PARN: variants seen among roughly 807,000 people sequenced by gnomAD.
PARN encodes the protein poly(A)-specific ribonuclease.
Under a neutral mutation model 102.8 loss-of-function variants are expected in PARN, and 71 were observed. The ratio of observed to expected loss-of-function variants is 0.69; its 90% CI spans 0.57 to 0.84. The LOEUF (loss-of-function observed/expected upper bound fraction) is 0.84, where lower values mean the gene tolerates loss of function less well. PARN is among the 40% of genes least tolerant of loss of function. The probability of loss-of-function intolerance (pLI) is 0.00; values close to 1 mark genes in which losing one functional copy is unlikely to be tolerated. For synonymous variants in PARN, 261 were observed against 252.9 expected (o/e 1.03, Z -0.30); for missense variants, 782 against 760.9 (o/e 1.03, Z -0.33).
chr16:14,511,447 TAA>T (rs111701715), intron 21 of PARN, among the ~76,000 whole-genome samples: 2 of 145,974 alleles, frequency 1.4e-5, no homozygotes, highest in African/African-American at 5.0e-5. Flanking sequence ...GATGGCTCAT[TAA>T]AAAAAAAAAA....
intron 3 of PARN, among the ~76,000 whole-genome samples, 165 bp downstream of exon 3, chr16:14,628,007 C>G (rs1229504866): frequency 6.6e-6 from 1 of 151,378 alleles, no homozygotes; most frequent in Non-Finnish European, 1.5e-5. Context: ...GACCTTGTCT[C>G]TAAAACAAGA....
rs548939697 is a variant in PARN at position 14,574,582 on chromosome 16, G to A, written c.1262+6292C>T. On this transcript the variant is annotated intron_variant, in intron 18 of 23. Coordinates refer to ENST00000437198, the MANE Select transcript of PARN (RefSeq NM_002582.4). The stretch of plus-strand genomic sequence containing the variant: ...ACAAAAATTAGCTGGGCGTGGTGGC[G>A]CACACCTGTAATCCCAGCTACTCAG... Among the ~76,000 whole-genome samples the A allele has an allele frequency of 5.9e-5, 9 of 152,046 alleles. No homozygotes were observed. In the South Asian group the frequency reaches 8.3e-4, roughly 14 times the overall value.
chr16:14,562,081 G>C (rs992477512), intron 18 of PARN, among the ~76,000 whole-genome samples: 36 of 152,214 alleles, frequency 2.4e-4, no homozygotes, highest in Non-Finnish European at 8.8e-5. Flanking sequence ...AAACCTGGGA[G>C]GCAGAGGTTG....
rs151318332 is a variant in PARN at position 14,479,746 on chromosome 16, C to A, written c.1670+2892G>T. 2.6e-3 allele frequency among the ~76,000 whole-genome samples: 393 copies of A among 152,018 alleles called. 1 individual carries two copies. Among genetic ancestry groups the A allele is most frequent in the African/African-American group, 9.1e-3 (376 of 41,492 alleles). On this transcript the variant is annotated intron_variant, in intron 22 of 23. Transcript: ENST00000437198. ...TTGATTCTTGACAAAGGTAGTGAGT[C>A]AAACCAATGAAGGAAGAAAACTCTT...
At chr16:14,561,071 C>T (rs1238774486) in intron 18 of PARN, among the ~76,000 whole-genome samples, 1 of 150,592 alleles carries the variant, frequency 6.6e-6, no homozygotes, top group Non-Finnish European at 1.5e-5. Flanking sequence ...GCAGGAGAAT[C>T]GCTTGAACCC....
Position 14,552,084 on chromosome 16 carries a change from T to G in PARN, c.1417A>C (p.Ile473Leu), listed in dbSNP as rs758872789. 5 of 1,607,220 alleles carry G rather than the reference T, an allele frequency of 3.1e-6. No homozygotes were observed. Among genetic ancestry groups the G allele is most frequent in the Non-Finnish European group, 4.3e-6 (5 of 1,175,032 alleles). ...GCTGATGTGTCATCAATCCAGGATA[T>G]CTGAATGTTACCTGCAATCGCAAAT... ...QLFSAFGNIQISWIDDTSAFV... is the reference protein window; with the variant it reads ...QLFSAFGNIQLSWIDDTSAFV... The change falls in exon 21 of 24, where the codon ATA becomes CTA. Residue 473 changes from isoleucine (I) to leucine (L), a missense_variant. By Grantham distance (5) the Ile-to-Leu change is conservative. Transcript: ENST00000437198.
intron 21 of PARN, among the ~76,000 whole-genome samples, chr16:14,522,111 G>A (rs1048864523): frequency 1.3e-5 from 2 of 152,192 alleles, no homozygotes; most frequent in African/African-American, 4.8e-5. Context: ...GGTGGCCCCT[G>A]TTACTAAGCT....
chr16:14,556,874 C>T (rs1967722858), intron 18 of PARN, among the ~76,000 whole-genome samples: 1 of 151,900 alleles, frequency 6.6e-6, no homozygotes, highest in Non-Finnish European at 1.5e-5. Flanking sequence ...GTCTCAAAAG[C>T]CCACATCATT....
At chr16:14,491,488 G>A (rs1964054633) in intron 21 of PARN, among the ~76,000 whole-genome samples, 2 of 152,092 alleles carry the variant, frequency 1.3e-5, no homozygotes, top group African/African-American at 4.8e-5. Flanking sequence ...TTCAGGCCAG[G>A]CATAGTGGCT....
chr16:14,527,257 TC>T (rs1966058950), intron 21 of PARN, among the ~76,000 whole-genome samples: 1 of 152,220 alleles, frequency 6.6e-6, no homozygotes, highest in Non-Finnish European at 1.5e-5. Flanking sequence ...TAAATTGAGT[TC>T]CCTCTGCTTT....
intron 21 of PARN, among the ~76,000 whole-genome samples, chr16:14,508,032 G>C (rs934364632): frequency 1.3e-5 from 2 of 152,188 alleles, no homozygotes; most frequent in Admixed American, 6.5e-5. Flanking sequence ...AAATATGCCA[G>C]AATGTTATCA....
intron 23 of PARN, among the ~76,000 whole-genome samples, chr16:14,440,087 G>T (rs1960882149): frequency 6.6e-6 from 1 of 152,028 alleles, no homozygotes; most frequent in Non-Finnish European, 1.5e-5. Context: ...AACCAACCTA[G>T]AAGAATATAT....
At chr16:14,555,380 G>T (rs1967617476) in intron 19 of PARN, among the ~76,000 whole-genome samples, 1 of 152,150 alleles carries the variant, frequency 6.6e-6, no homozygotes, top group Admixed American at 6.6e-5. Context: ...TATAGAAAAT[G>T]ATGAAATCAG....
intron 9 of PARN, among the ~76,000 whole-genome samples, chr16:14,606,945 C>G (rs908825800): frequency 6.6e-6 from 1 of 151,998 alleles, no homozygotes; most frequent in Non-Finnish European, 1.5e-5. Flanking sequence ...CCACACCCAG[C>G]TAATTTTTTG....
intron 21 of PARN, among the ~76,000 whole-genome samples, chr16:14,503,835 A>G (rs929715394): frequency 6.6e-6 from 1 of 152,228 alleles, no homozygotes; most frequent in African/African-American, 2.4e-5. Context: ...TGCAGCTGGT[A>G]TAAGGAGAAC....
chr16:14,580,551 TG>T (rs1486652173), intron 18 of PARN, among the ~76,000 whole-genome samples: 1 of 152,070 alleles, frequency 6.6e-6, no homozygotes, highest in African/African-American at 2.4e-5. Context: ...CCTCCCAAAG[TG>T]CTGGGATTAC....
chr16:14,438,935 T>C (rs1435389744), intron 23 of PARN, among the ~76,000 whole-genome samples: 4 of 152,134 alleles, frequency 2.6e-5, no homozygotes, highest in Non-Finnish European at 2.9e-5. Context: ...GAGCTGTAGA[T>C]CAACAAACGG....
chr16:14,605,263 C>T (rs965437980), intron 10 of PARN, among the ~76,000 whole-genome samples: 4 of 152,108 alleles, frequency 2.6e-5, no homozygotes, highest in Admixed American at 1.3e-4. Context: ...TTTCATGAGC[C>T]AAATACAACA....
intron 23 of PARN, among the ~76,000 whole-genome samples, chr16:14,438,865 G>A (rs1048532535): frequency 2.0e-5 from 3 of 152,134 alleles, no homozygotes; most frequent in Non-Finnish European, 2.9e-5. Flanking sequence ...CAGGAGACCC[G>A]GACCAGAGGG....
Sources: gnomAD v4.1 joint callset for allele counts (sites outside exome capture counted in the v4.1 genomes callset) on GRCh38, gnomAD v4.1.1 for gene constraint, MANE v1.5 for transcripts, NCBI Gene and HGNC (gene_info 2026-07-23, HGNC 2026-07-21) for gene names.